The following CHAF1B variants were observed in gnomAD, a reference collection of about 807,000 sequenced individuals.
CHAF1B encodes chromatin assembly factor 1 subunit B, also known as CAF-1 subunit B.
Under a neutral mutation model 60.7 loss-of-function variants are expected in CHAF1B, and 10 were observed. That is an observed-to-expected ratio of 0.16 (90% CI 0.10 to 0.28). The LOEUF is 0.28. CHAF1B is among the 10% of genes least tolerant of loss of function. The pLI is 1.00. For missense variants in CHAF1B, 558 were observed against 708.4 expected, an observed-to-expected ratio of 0.79 and a Z score of 2.41; for synonymous variants, 261 against 266.1, an observed-to-expected ratio of 0.98 and a Z score of 0.19.
intron 8 of CHAF1B, among the ~76,000 whole-genome samples, chr21:36,407,058 C>G (rs1344500476): frequency 6.6e-6 from 1 of 152,062 alleles, no homozygotes; most frequent in Non-Finnish European, 1.5e-5. Flanking sequence ...TCCCAGCACT[C>G]TGGGAGGCCA....
At chr21:36,401,987 C>T (rs539678746) in intron 7 of CHAF1B, among the ~76,000 whole-genome samples, 18 of 152,136 alleles carry the variant, frequency 1.2e-4, no homozygotes, top group Non-Finnish European at 2.1e-4. Flanking sequence ...GTGATCCGCC[C>T]GCCTTGGCCT....
At chr21:36,389,800 T>TGTGTGTGCGCGCGCGCGCGC in intron 3 of CHAF1B, among the ~76,000 whole-genome samples, 49 of 124,796 alleles carry the variant, frequency 3.9e-4, no homozygotes, top group African/African-American at 1.5e-3. Context: ...TGTGTGTGTG[T>TGTGTGTGCGCGCGCGCGCGC]GCGCGCGCAC....
chr21:36,393,085 G>A (rs1294959149), intron 4 of CHAF1B, among the ~76,000 whole-genome samples: 1 of 152,206 alleles, frequency 6.6e-6, no homozygotes, highest in African/African-American at 2.4e-5. Flanking sequence ...GGCGGCGTGC[G>A]CCTGCAATCC....
chr21:36,385,829 G>A (rs2086026559), intron 1 of CHAF1B, among the ~76,000 whole-genome samples: 1 of 152,220 alleles, frequency 6.6e-6, no homozygotes, highest in Admixed American at 6.5e-5. Flanking sequence ...CCCCTAGGTA[G>A]CCTTTACCTG....
At chr21:36,395,455 G>A (rs539641445) in intron 5 of CHAF1B, among the ~76,000 whole-genome samples, 43 of 152,360 alleles carry the variant, frequency 2.8e-4, no homozygotes, top group African/African-American at 1.0e-3. Context: ...GATTGTCAGA[G>A]GGTAAGAGGC....
chr21:36,415,779 G>T, intron 13 of CHAF1B: 1 of 400,576 alleles, frequency 2.5e-6, no homozygotes, highest in Non-Finnish European at 4.8e-6. Flanking sequence ...TTGAGATGCA[G>T]TCTTGCTCTG....
At position 36,416,275 on chromosome 21, in the gene CHAF1B, A is replaced by G; in HGVS notation, c.1589A>G (p.Glu530Gly). Reference sequence around the variant, plus strand: ...AACCTTATGTTTGTTAATGTTGCAGAGACGCCTGGAGACGCTCAGGGCAGT... The same window carrying G: ...AACCTTATGTTTGTTAATGTTGCAGGGACGCCTGGAGACGCTCAGGGCAGT... ...STPSTEEIQSETPGDAQGSPP... is the reference protein window; with the variant it reads ...STPSTEEIQSGTPGDAQGSPP... Residue 530 changes from glutamate (E) to glycine (G), a missense_variant and splice_region_variant, in exon 14 of 14, where the codon GAG (glutamate) becomes GGG (glycine). Around this residue, in one of 2 missense-constraint regions of CHAF1B, gnomAD observed 233 missense variants for 214.9 expected, o/e 1.08. Coordinates refer to ENST00000314103, the MANE Select transcript of CHAF1B (RefSeq NM_005441.3). 6.2e-7 allele frequency: 1 copy of G among 1,610,542 alleles called. No homozygotes were observed. The highest frequency in any genetic ancestry group is 8.5e-7 in the Non-Finnish European group (1 of 1,178,880).
intron 10 of CHAF1B, 151 bp downstream of exon 10, chr21:36,409,616 T>G: frequency 2.4e-6 from 1 of 422,206 alleles, no homozygotes; most frequent in South Asian, 6.9e-5. Context: ...TTTTTACATT[T>G]AAATCTATTT....
At chr21:36,393,311 TAGA>T (rs1210313758) in intron 4 of CHAF1B, among the ~76,000 whole-genome samples, 2 of 152,120 alleles carry the variant, frequency 1.3e-5, no homozygotes, top group Non-Finnish European at 2.9e-5. Context: ...TGGTCTAATT[TAGA>T]AGTTTTATTT....
intron 4 of CHAF1B, among the ~76,000 whole-genome samples, chr21:36,393,854 C>A (rs2086114575): frequency 6.6e-6 from 1 of 151,974 alleles, no homozygotes; most frequent in African/African-American, 2.4e-5. Flanking sequence ...TGGAGATTGT[C>A]CTTATATTTT....
intron 13 of CHAF1B, chr21:36,415,888 G>C (rs561865837): frequency 1.0e-4 from 35 of 335,832 alleles, no homozygotes; most frequent in African/African-American, 7.3e-4. Context: ...GAGTAGCCGG[G>C]ACTACAGGCG....
chr21:36,409,715 C>G (rs1183955873), intron 10 of CHAF1B, among the ~76,000 whole-genome samples: 1 of 151,976 alleles, frequency 6.6e-6, no homozygotes, highest in Non-Finnish European at 1.5e-5. Context: ...CAAGGCTGGT[C>G]TTGAACTCCT....
At chr21:36,401,984 G>T (rs181397016) in intron 7 of CHAF1B, among the ~76,000 whole-genome samples, 2 of 152,000 alleles carry the variant, frequency 1.3e-5, no homozygotes, top group Non-Finnish European at 2.9e-5. Flanking sequence ...CAAGTGATCC[G>T]CCCGCCTTGG....
intron 4 of CHAF1B, 140 bp from the exon 5 acceptor site, chr21:36,394,407 A>G: frequency 1.6e-6 from 1 of 635,072 alleles, no homozygotes; most frequent in South Asian, 1.8e-5. Context: ...ATGGGATTTT[A>G]CTGTGTTAGC....
At chr21:36,415,699 A>T (rs1194383674) in intron 13 of CHAF1B, 1 of 458,600 alleles carries the variant, frequency 2.2e-6, no homozygotes, top group Non-Finnish European at 4.0e-6. Context: ...CCTGTGTATT[A>T]TGCGATGTTT....
intron 7 of CHAF1B, among the ~76,000 whole-genome samples, chr21:36,400,606 T>C (rs996375285): frequency 1.3e-5 from 2 of 151,908 alleles, no homozygotes; most frequent in South Asian, 4.2e-4. Context: ...GGCTGGTCAC[T>C]ACTGATCTGG....
Position 36,411,588 on chromosome 21 carries a change from C to G in CHAF1B, c.1045C>G (p.Leu349Val). The G allele has an allele frequency of 6.2e-7, 1 of 1,614,102 alleles. No homozygotes were observed. Among genetic ancestry groups the G allele is most frequent in the Non-Finnish European group, 8.5e-7 (1 of 1,180,014 alleles). ...GYVSNIHYHTLSDISWSSDGA... is the reference protein window; with the variant it reads ...GYVSNIHYHTVSDISWSSDGA... ...CGTGTCTAATATACATTACCACACC[C>G]TCAGTGACATTTCATGGTGAGTGGC... The change falls in exon 11 of 14, where the codon CTC becomes GTC. Residue 349 changes from leucine (L) to valine (V), a missense_variant. Leu to Val is a conservative substitution (Grantham distance 32). Around this residue, in one of 2 missense-constraint regions of CHAF1B, gnomAD observed 325 missense variants for 493.5 expected, o/e 0.66. Transcript: ENST00000314103.
intron 13 of CHAF1B, among the ~76,000 whole-genome samples, chr21:36,416,043 C>T (rs569342981): frequency 4.6e-5 from 7 of 152,260 alleles, no homozygotes; most frequent in Non-Finnish European, 7.4e-5. Context: ...CGTGAGCCAC[C>T]GCGCCCAGCT....
rs371571594 is a variant in CHAF1B, at chr21:36,391,707, G to A, written c.377+39G>A. The A allele has an allele frequency of 3.4e-5, 43 of 1,257,776 alleles. No homozygotes were observed. The African/African-American group carries it at 5.6e-4, about 16-fold the overall frequency. The allele number at this position is 1,257,776 out of a possible 1,614,324, so 77.9% of individuals were successfully genotyped here. On this transcript the variant is annotated intron_variant, in intron 4 of 13. Coordinates refer to ENST00000314103, the MANE Select transcript of CHAF1B (RefSeq NM_005441.3). ...GACCATGGCAGTGATCTCTGTTTAC[G>A]ATGAGTGCATTAAATGGAATATACC...
Sources: allele counts gnomAD v4.1 joint callset (sites outside exome capture counted in the v4.1 genomes callset), GRCh38; gene constraint gnomAD v4.1.1; regional missense constraint gnomAD v4.1.1; transcripts MANE v1.5; gene names NCBI Gene and HGNC (gene_info 2026-07-23, HGNC 2026-07-21).